PPIP5K1: variants seen among roughly 807,000 people sequenced by gnomAD.
PPIP5K1 encodes the protein inositol hexakisphosphate and diphosphoinositol-pentakisphosphate kinase 1.
In PPIP5K1, 6 loss-of-function variants were observed where a neutral mutation model predicts 27.7. The ratio of observed to expected loss-of-function variants is 0.22; its 90% CI spans 0.12 to 0.43. PPIP5K1 has a LOEUF of 0.43. PPIP5K1 is among the 20% of genes least tolerant of loss of function. The probability of loss-of-function intolerance (pLI) is 1.00; values close to 1 mark genes in which losing one functional copy is unlikely to be tolerated. For synonymous variants in PPIP5K1, 145 were observed against 242.6 expected (o/e 0.60, Z 3.74); for missense variants, 394 against 635.4 (o/e 0.62, Z 4.08).
chr15:43,546,732 T>C (rs1272960363), intron 30 of PPIP5K1, among the ~76,000 whole-genome samples: 1 of 150,540 alleles, frequency 6.6e-6, no homozygotes, highest in Non-Finnish European at 1.5e-5. Flanking sequence ...ACTTGGCTTA[T>C]TACAGTCTCA....
At chr15:43,548,059 G>T (rs1005386701) in intron 30 of PPIP5K1, among the ~76,000 whole-genome samples, 1 of 151,928 alleles carries the variant, frequency 6.6e-6, no homozygotes, top group Non-Finnish European at 1.5e-5. Context: ...ACCCAGGCTA[G>T]AGTGCTGGTA....
At chr15:43,542,551 A>G (rs1240462193) in intron 30 of PPIP5K1, among the ~76,000 whole-genome samples, 1 of 151,972 alleles carries the variant, frequency 6.6e-6, no homozygotes, top group Non-Finnish European at 1.5e-5. Context: ...TTGGCCTTCG[A>G]AAGTGCTGGG....
Position 43,542,308 on chromosome 15 carries a change from G to A in PPIP5K1, c.3557-2725C>T, listed in dbSNP as rs577340460. Among the ~76,000 whole-genome samples the A allele has an allele frequency of 7.4e-3, 1,112 of 151,252 alleles. 33 individuals are homozygous for A. Among genetic ancestry groups the A allele is most frequent in the East Asian group, 0.052 (264 of 5,114 alleles). ...TTATTTACTTAATTTTGGCGGGGGG[G>A]GGGGGCAGAGTCTTGCTCTGTCACC... On this transcript the variant is annotated intron_variant, in intron 30 of 31. Coordinates refer to ENST00000420765, the MANE Select transcript of PPIP5K1 (RefSeq NM_001394395.1).
chr15:43,553,339 TC>T (rs975479044), intron 30 of PPIP5K1, among the ~76,000 whole-genome samples: 2 of 151,680 alleles, frequency 1.3e-5, no homozygotes, highest in African/African-American at 4.8e-5. Flanking sequence ...ATTTTCTTCT[TC>T]TTTTTTTTTT....
At chr15:43,547,878 C>T (rs534490592) in intron 30 of PPIP5K1, among the ~76,000 whole-genome samples, 2 of 152,272 alleles carry the variant, frequency 1.3e-5, no homozygotes, top group East Asian at 3.9e-4. Flanking sequence ...TTTTCCATTT[C>T]TGAAGAAAAG....
chr15:43,546,036 C>T (rs1425242345), intron 30 of PPIP5K1, among the ~76,000 whole-genome samples: 4 of 151,462 alleles, frequency 2.6e-5, no homozygotes, highest in Admixed American at 6.6e-5. Context: ...AGAAGTCAAT[C>T]TCCATTCCAT....
intron 30 of PPIP5K1, among the ~76,000 whole-genome samples, chr15:43,545,976 C>G (rs1203565736): frequency 6.6e-6 from 1 of 151,584 alleles, no homozygotes; most frequent in Non-Finnish European, 1.5e-5. Flanking sequence ...TCTTTTATTC[C>G]TTTACTTTCT....
intron 30 of PPIP5K1, among the ~76,000 whole-genome samples, chr15:43,547,904 T>C (rs2081574938): frequency 1.3e-5 from 2 of 152,228 alleles, no homozygotes; most frequent in Non-Finnish European, 2.9e-5. Context: ...AAAATTCTGA[T>C]AGGGATTGCA....
chr15:43,579,498 T>C (rs1430474945), intron 10 of PPIP5K1, among the ~76,000 whole-genome samples: 1 of 97,950 alleles, frequency 1.0e-5, no homozygotes, highest in East Asian at 3.9e-4. Context: ...GATACACACA[T>C]ATGTGTATAT....
At chr15:43,557,482 T>G (rs1255638755) in intron 30 of PPIP5K1, among the ~76,000 whole-genome samples, 2 of 152,036 alleles carry the variant, frequency 1.3e-5, no homozygotes, top group African/African-American at 4.8e-5. Flanking sequence ...GTAATGCCAG[T>G]GCTTTGAGAG....
intron 31 of PPIP5K1, among the ~76,000 whole-genome samples, chr15:43,535,947 G>A (rs2079793002): frequency 6.6e-6 from 1 of 152,144 alleles, no homozygotes; most frequent in Admixed American, 6.5e-5. Flanking sequence ...GGAGGAAGAA[G>A]GCAATATAAT....
rs1206704234 is a variant in PPIP5K1, at chr15:43,535,095, T to A, written c.4052A>T (p.Asp1351Val). The A allele has an allele frequency of 1.2e-6, 2 of 1,613,986 alleles. No individual in the cohort carries two copies. Among genetic ancestry groups the A allele is most frequent in the Non-Finnish European group, 1.7e-6 (2 of 1,180,016 alleles). The part of the protein sequence containing the change: ...DISQQCQENH[D>V]NGNHTCQEVP... ...CTCCTGGCATGTGTGGTTACCATTG[T>A]CATGGTTCTCCTGGCATTGCTGGCT... The change falls in exon 32 of 32, where the codon GAC becomes GTC. Residue 1351 changes from aspartate to valine, a missense_variant. Asp to Val is a radical substitution (Grantham distance 152). Coordinates refer to ENST00000420765, the MANE Select transcript of PPIP5K1 (RefSeq NM_001394395.1).
At chr15:43,544,558 G>C (rs559689466) in intron 30 of PPIP5K1, among the ~76,000 whole-genome samples, 1 of 152,326 alleles carries the variant, frequency 6.6e-6, no homozygotes, top group Admixed American at 6.5e-5. Flanking sequence ...ACTTTGGGAG[G>C]CTTAAGCAGG....
At chr15:43,541,679 A>G (rs1567017499) in intron 30 of PPIP5K1, among the ~76,000 whole-genome samples, 1 of 151,686 alleles carries the variant, frequency 6.6e-6, no homozygotes. Context: ...AGCCAAGATC[A>G]TGCCACTACA....
At position 43,538,031 on chromosome 15, in the gene PPIP5K1, A is replaced by T. The variant is rs373225865; in HGVS notation, c.3670+1439T>A. ...GCACAGAAATCATAAACACTCCAGG[A>T]AACAGGTAAAAAGGGCAATGGCCCT... On this transcript the variant is annotated intron_variant, in intron 31 of 31. Coordinates refer to ENST00000420765, the MANE Select transcript of PPIP5K1 (RefSeq NM_001394395.1). Among the ~76,000 whole-genome samples, 9 of 152,100 alleles carry T rather than the reference A, an allele frequency of 5.9e-5. No individual in the cohort carries two copies. In the East Asian group the frequency reaches 1.5e-3, roughly 26 times the overall value.
chr15:43,558,727 TTTCTTATA>T (rs1235714905), intron 30 of PPIP5K1, 60 bp downstream of exon 30: 4 of 1,586,280 alleles, frequency 2.5e-6, no homozygotes, highest in Non-Finnish European at 3.4e-6. Context: ...AATTTACTAC[TTTCTTATA>T]TTCTAGGAAG....
chr15:43,543,112 A>C (rs2140493047), intron 30 of PPIP5K1, among the ~76,000 whole-genome samples: 1 of 151,144 alleles, frequency 6.6e-6, no homozygotes, highest in Admixed American at 6.6e-5. Flanking sequence ...CATGCATTCC[A>C]AACAAAATTG....
At chr15:43,567,410 GCCTGGCC>G (rs2084238572) in intron 26 of PPIP5K1, among the ~76,000 whole-genome samples, 6 of 5,954 alleles carry the variant, frequency 1.0e-3, no homozygotes, top group Non-Finnish European at 1.4e-3. Flanking sequence ...GAGCCACTGC[GCCTGGCC>G]AGATCTACAC....
At position 43,547,293 on chromosome 15, in the gene PPIP5K1, T is replaced by G. The variant is rs188604235; in HGVS notation, c.3557-7710A>C. Reference sequence around the variant, plus strand: ...CTGTACGTATTAGATATAATATTTGTAAATATTTTCTCCCTTTCTGTAGTT... The same window carrying G: ...CTGTACGTATTAGATATAATATTTGGAAATATTTTCTCCCTTTCTGTAGTT... On this transcript the variant is annotated intron_variant, in intron 30 of 31. Transcript: ENST00000420765. Among the ~76,000 whole-genome samples, 430 of 152,344 alleles carry G rather than the reference T, an allele frequency of 2.8e-3. 1 individual carries two copies. Among genetic ancestry groups the G allele is most frequent in the Non-Finnish European group, 3.9e-3 (263 of 68,036 alleles).
Sources: gnomAD v4.1 joint callset for allele counts (sites outside exome capture counted in the v4.1 genomes callset) on GRCh38, gnomAD v4.1.1 for gene constraint, MANE v1.5 for transcripts, NCBI Gene and HGNC (gene_info 2026-07-23, HGNC 2026-07-21) for gene names.